Variants in NUP205 observed in about 807,000 individuals in gnomAD.
NUP205 encodes nuclear pore complex protein Nup205.
In NUP205, 76 loss-of-function variants were observed where a neutral mutation model predicts 253.8. That is an observed-to-expected ratio of 0.30 (90% CI 0.25 to 0.36). The LOEUF (loss-of-function observed/expected upper bound fraction) is 0.36. NUP205 is among the 10% of genes least tolerant of loss of function. The probability of loss-of-function intolerance (pLI) is 1.00; values close to 1 mark genes in which losing one functional copy is unlikely to be tolerated. For synonymous variants in NUP205, 832 were observed against 850.1 expected (o/e 0.98, Z 0.37); for missense variants, 2,162 against 2,425.5 (o/e 0.89, Z 2.28).
chr7:135,585,472 C>T (rs1175689861), intron 8 of NUP205, among the ~76,000 whole-genome samples: 1 of 152,010 alleles, frequency 6.6e-6, no homozygotes, highest in African/African-American at 2.4e-5. Flanking sequence ...AGGATTAGTG[C>T]TAAGGTTGCT....
intron 39 of NUP205, 49 bp downstream of exon 39, chr7:135,643,407 A>G (rs775987552): frequency 3.0e-5 from 46 of 1,513,688 alleles, no homozygotes; most frequent in Non-Finnish European, 4.2e-5. Context: ...CATTGCTGTT[A>G]CTAGGCCAGG....
intron 38 of NUP205, among the ~76,000 whole-genome samples, chr7:135,639,690 CAAA>C (rs34071969): frequency 1.9e-5 from 2 of 106,660 alleles, no homozygotes; most frequent in African/African-American, 3.8e-5. Context: ...GACTTTGTCT[CAAA>C]AAAAAAAAAA....
At chr7:135,591,669 T>C in intron 11 of NUP205, 69 bp downstream of exon 11, 1 of 1,385,648 alleles carries the variant, frequency 7.2e-7, no homozygotes, top group South Asian at 1.3e-5. Context: ...CCACTACCTA[T>C]TAAGAACATT....
intron 18 of NUP205, among the ~76,000 whole-genome samples, chr7:135,603,991 T>C (rs947408204): frequency 6.6e-6 from 1 of 152,202 alleles, no homozygotes; most frequent in African/African-American, 2.4e-5. Flanking sequence ...CATGGCAGTT[T>C]CCCTGTGTGT....
rs775432992 is a variant in NUP205 at position 135,576,402 on chromosome 7, C to G, written c.476C>G (p.Thr159Ser). The change falls in exon 4 of 43, where the codon ACC (threonine) becomes AGC (serine). Residue 159 changes from threonine (T) to serine (S), a missense_variant. Transcript: ENST00000285968. ...CAGTCTAGACGGGGAAAGACATGGA[C>G]CCTAGAACTCAGGTCTTTTTACTTC... The part of the protein sequence containing the change: ...LIQSRRGKTW[T>S]LELSPELASM... The G allele has an allele frequency of 1.2e-6, 2 of 1,608,822 alleles. No individual in the cohort carries two copies. The highest frequency in any genetic ancestry group is 3.4e-5 in the Admixed American group (2 of 58,768).
At chr7:135,577,247 C>A in intron 5 of NUP205, 119 bp downstream of exon 5, 1 of 977,552 alleles carries the variant, frequency 1.0e-6, no homozygotes, top group Non-Finnish European at 1.5e-6. Flanking sequence ...TGCCTGATTG[C>A]CACTTTTCTT....
intron 1 of NUP205, among the ~76,000 whole-genome samples, chr7:135,562,073 C>G (rs1805597931): frequency 6.6e-6 from 1 of 152,078 alleles, no homozygotes. Flanking sequence ...ACTGCTATGC[C>G]CAGCCTACTG....
chr7:135,610,500 G>A (rs1003723314), intron 22 of NUP205, among the ~76,000 whole-genome samples: 2 of 152,174 alleles, frequency 1.3e-5, no homozygotes, highest in Non-Finnish European at 2.9e-5. Context: ...GATTACAGGC[G>A]TGAGCCACCG....
At position 135,628,460 on chromosome 7, in the gene NUP205, T is replaced by C. The variant is rs779794884; in HGVS notation, c.4932+349T>C. On this transcript the variant is annotated intron_variant, in intron 34 of 42. Coordinates refer to ENST00000285968, the MANE Select transcript of NUP205 (RefSeq NM_015135.3). ...ATTGAGAGAGGGCTATGCTAGGCCT[T>C]GCAGGCTGGGCATGGTGGCTCACGC... 8.6e-4 allele frequency among the ~76,000 whole-genome samples: 131 copies of C among 152,174 alleles called. 1 individual carries two copies. The highest frequency in any genetic ancestry group is 1.7e-3 in the Non-Finnish European group (117 of 68,048).
At chr7:135,603,505 CTT>C (rs532195219) in intron 18 of NUP205, among the ~76,000 whole-genome samples, 7 of 142,176 alleles carry the variant, frequency 4.9e-5, no homozygotes, top group Admixed American at 1.4e-4. Context: ...TCTAAGTCTA[CTT>C]TTTTTTTTTT....
chr7:135,616,786 A>G (rs1563130275), intron 25 of NUP205, 60 bp downstream of exon 25: 1 of 925,570 alleles, frequency 1.1e-6, no homozygotes, highest in Admixed American at 3.0e-5. Flanking sequence ...AAAAAAAAAA[A>G]CTTCAAGGGA....
chr7:135,638,492 CG>C (rs758327638), intron 37 of NUP205, 64 bp from the exon 38 acceptor site: 5 of 1,434,520 alleles, frequency 3.5e-6, no homozygotes, highest in Admixed American at 3.9e-5. Context: ...CTTCAAATCT[CG>C]ATTTTCATGC....
chr7:135,597,852 A>G (rs1793878124), intron 14 of NUP205, 146 bp from the exon 15 acceptor site: 1 of 670,280 alleles, frequency 1.5e-6, no homozygotes, highest in African/African-American at 1.8e-5. Flanking sequence ...ATACTTTTTT[A>G]TCTTTTCCTC....
intron 10 of NUP205, among the ~76,000 whole-genome samples, chr7:135,590,893 C>A (rs1806613329): frequency 6.6e-6 from 1 of 152,100 alleles, no homozygotes; most frequent in Non-Finnish European, 1.5e-5. Context: ...GTTTTCAGTT[C>A]TCAGTTCCAA....
At chr7:135,567,703 G>A (rs1371588723) in intron 1 of NUP205, among the ~76,000 whole-genome samples, 1 of 152,060 alleles carries the variant, frequency 6.6e-6, no homozygotes, top group Non-Finnish European at 1.5e-5. Context: ...CTTTCATGTT[G>A]TTCTTATATC....
Position 135,567,870 on chromosome 7 carries a change from C to T in NUP205, c.29-3235C>T, listed in dbSNP as rs77418022. ...TAAACACATATGAGTACCTTATCTGCTTATTTCCAAACAGAAACCTTTGGC... is the reference window on the plus strand; with the variant it reads ...TAAACACATATGAGTACCTTATCTGTTTATTTCCAAACAGAAACCTTTGGC... On this transcript the variant is annotated intron_variant, in intron 1 of 42. Coordinates refer to ENST00000285968, the MANE Select transcript of NUP205 (RefSeq NM_015135.3). Among the ~76,000 whole-genome samples the T allele has an allele frequency of 2.8e-3, 429 of 152,218 alleles. 9 individuals carry two copies. The East Asian group carries it at 0.05, about 18-fold the overall frequency.
intron 32 of NUP205, among the ~76,000 whole-genome samples, 171 bp downstream of exon 32, chr7:135,625,526 G>A (rs983497078): frequency 1.3e-4 from 20 of 152,300 alleles, no homozygotes; most frequent in African/African-American, 4.8e-4. Context: ...AAAGATGAGT[G>A]AAATGATCCT....
At chr7:135,605,425 C>T (rs1229875798) in intron 19 of NUP205, among the ~76,000 whole-genome samples, 1 of 152,170 alleles carries the variant, frequency 6.6e-6, no homozygotes, top group African/African-American at 2.4e-5. Flanking sequence ...TATAGTCCCT[C>T]ACATCTAGTA....
intron 37 of NUP205, 96 bp downstream of exon 37, chr7:135,638,155 A>G: frequency 1.7e-5 from 23 of 1,344,368 alleles, no homozygotes; most frequent in Non-Finnish European, 2.3e-5. Flanking sequence ...CACGCCTATA[A>G]TCCCAGCACT....
Sources: allele counts gnomAD v4.1 joint callset (sites outside exome capture counted in the v4.1 genomes callset), GRCh38; gene constraint gnomAD v4.1.1; transcripts MANE v1.5; gene names NCBI Gene and HGNC (gene_info 2026-07-23, HGNC 2026-07-21).